The following BCAS3 variants were observed in gnomAD, a reference collection of about 807,000 sequenced individuals.
The protein encoded by BCAS3 is BCAS4/BCAS3 fusion.
A neutral mutation model predicts 116.1 loss-of-function variants in BCAS3; 53 were observed. That is an observed-to-expected ratio of 0.46 (90% CI 0.37 to 0.57). The LOEUF (loss-of-function observed/expected upper bound fraction) is 0.57. BCAS3 is among the 20% of genes least tolerant of loss of function. BCAS3 has a pLI of 0.00. For missense variants in BCAS3, 917 were observed against 1,165.4 expected, an observed-to-expected ratio of 0.79 and a Z score of 3.10; for synonymous variants, 391 against 408.2, an observed-to-expected ratio of 0.96 and a Z score of 0.51.
chr17:61,097,105 A>G lies in BCAS3; in HGVS notation c.2425+12541A>G, dbSNP rs1377268683. 1.3e-5 allele frequency among the ~76,000 whole-genome samples: 2 copies of G among 152,240 alleles called. No homozygotes were observed. Among genetic ancestry groups the G allele is most frequent in the Non-Finnish European group, 2.9e-5 (2 of 68,046 alleles). ...CACAAAGAAAACCATACGTAGACAT[A>G]TTATAATCAAACTGTTCAGATCTAA... is the stretch of plus-strand genomic sequence containing the variant. On this transcript the variant is annotated intron_variant, in intron 22 of 23. Coordinates refer to ENST00000407086, the MANE Select transcript of BCAS3 (RefSeq NM_017679.5). This position sits in a 1 kb window ranked among gnomAD's most constrained non-coding sequence, Gnocchi z 4.0.
chr17:60,734,775 G>A (rs2040805046), intron 5 of BCAS3, among the ~76,000 whole-genome samples: 1 of 152,180 alleles, frequency 6.6e-6, no homozygotes, highest in African/African-American at 2.4e-5. Context: ...TTCTGACTTT[G>A]CTTTCTCCTT....
chr17:60,699,034 A>C (rs1598131031), intron 4 of BCAS3, among the ~76,000 whole-genome samples: 1 of 152,292 alleles, frequency 6.6e-6, no homozygotes, highest in South Asian at 2.1e-4. Flanking sequence ...CTCTAACCTT[A>C]GTGACAGAGC....
intron 14 of BCAS3, among the ~76,000 whole-genome samples, chr17:60,959,417 C>T (rs571344221): frequency 6.6e-6 from 1 of 152,122 alleles, no homozygotes; most frequent in Non-Finnish European, 1.5e-5. Context: ...AACACATCTG[C>T]TTTTTGAACA....
intron 15 of BCAS3, among the ~76,000 whole-genome samples, chr17:60,997,347 C>G (rs1401693424): frequency 6.6e-6 from 1 of 152,088 alleles, no homozygotes; most frequent in African/African-American, 2.4e-5. Context: ...ATGGTAAGTT[C>G]CTGGTCCCAG....
Position 60,943,197 on chromosome 17 carries a change from A to G in BCAS3, c.1088-4022A>G, listed in dbSNP as rs565888890. Among the ~76,000 whole-genome samples, 32 of 152,144 alleles carry G rather than the reference A, an allele frequency of 2.1e-4. 1 individual carries two copies. The highest frequency in any genetic ancestry group is 2.6e-4 in the Non-Finnish European group (18 of 68,000). On this transcript the variant is annotated intron_variant, in intron 13 of 23. Transcript: ENST00000407086. ...AAACATGAAAAGAGAAATAAAAAAC[A>G]GAAACAAGACAAGCAAAAATAATAA...
At chr17:61,340,459 G>C (rs2057060963) in intron 22 of BCAS3, among the ~76,000 whole-genome samples, 1 of 152,076 alleles carries the variant, frequency 6.6e-6, no homozygotes, top group Admixed American at 6.6e-5. Context: ...ACAGTTTGAG[G>C]GTAGAGGAGA....
intron 22 of BCAS3, among the ~76,000 whole-genome samples, chr17:61,185,579 A>G (rs184838582): frequency 8.1e-4 from 123 of 152,280 alleles, no homozygotes; most frequent in African/African-American, 2.8e-3. Flanking sequence ...TGGTTAAAAT[A>G]TGGTTCATTC....
chr17:61,038,098 G>T, intron 18 of BCAS3, 44 bp downstream of exon 18: 2 of 1,543,304 alleles, frequency 1.3e-6, no homozygotes, highest in Non-Finnish European at 8.8e-7. Context: ...CTTCATTAAG[G>T]TATAGAAGAT....
rs748259853 is a variant in BCAS3, at chr17:60,910,687, C to G, written c.978C>G (p.Thr326=). The G allele has an allele frequency of 6.2e-7, 1 of 1,606,232 alleles. No individual in the cohort carries two copies. The highest frequency in any genetic ancestry group is 8.5e-7 in the Non-Finnish European group (1 of 1,176,450). Residue 326 remains threonine (T), a synonymous_variant, in exon 12 of 24, where the codon ACC becomes ACG. Coordinates refer to ENST00000407086, the MANE Select transcript of BCAS3 (RefSeq NM_017679.5). ...TCATCACAGTTATTGACACCGAAACCGTTGGAGAGGGCCAGGTAAGAAGAA... is the reference window on the plus strand; with the variant it reads ...TCATCACAGTTATTGACACCGAAACGGTTGGAGAGGGCCAGGTAAGAAGAA... The part of the protein sequence containing the change: ...PGIITVIDTE[T]VGEGQVLVSE...
chr17:61,353,206 G>T (rs760925107), intron 22 of BCAS3, among the ~76,000 whole-genome samples: 3 of 152,148 alleles, frequency 2.0e-5, no homozygotes, highest in Non-Finnish European at 2.9e-5. Context: ...CCATTTCCTT[G>T]TGTTTAAAAG....
intron 13 of BCAS3, among the ~76,000 whole-genome samples, chr17:60,932,908 C>T (rs2059733982): frequency 6.6e-6 from 1 of 151,876 alleles, no homozygotes; most frequent in South Asian, 2.1e-4. Flanking sequence ...GAAGCGGTGG[C>T]TCATCCCAGT....
chr17:60,696,329 T>A (rs2035585835), intron 4 of BCAS3: 1 of 152,288 alleles, frequency 6.6e-6, no homozygotes, highest in Non-Finnish European at 1.5e-5. Context: ...CACAGTTGCA[T>A]GCACCTGTAG....
At chr17:60,774,574 C>G (rs928909771) in intron 6 of BCAS3, among the ~76,000 whole-genome samples, 2 of 152,102 alleles carry the variant, frequency 1.3e-5, no homozygotes, top group Non-Finnish European at 2.9e-5. Flanking sequence ...TGGTTTTGTC[C>G]TGGGACACAG....
At position 61,347,456 on chromosome 17, in the gene BCAS3, T is replaced by A. The variant is rs2057569250; in HGVS notation, c.2426-20871T>A. Among the ~76,000 whole-genome samples the A allele has an allele frequency of 6.6e-6, 1 of 152,202 alleles. No individual in the cohort carries two copies. Among genetic ancestry groups the A allele is most frequent in the South Asian group, 2.1e-4 (1 of 4,834 alleles). ...TCTTCCCCAAGTTAAACAACCTTGA[T>A]TTCTTCCCTCCCTTCTTCCTGCTAG... On this transcript the variant is annotated intron_variant, in intron 22 of 23. Coordinates refer to ENST00000407086, the MANE Select transcript of BCAS3 (RefSeq NM_017679.5). The surrounding 1 kb of genome is among the most constrained non-coding windows in gnomAD (Gnocchi z 4.3).
At chr17:61,089,982 T>C (rs973177679) in intron 22 of BCAS3, among the ~76,000 whole-genome samples, 8 of 152,126 alleles carry the variant, frequency 5.3e-5, no homozygotes, top group African/African-American at 1.9e-4. Context: ...CATTGTTCAG[T>C]CTACAATGAT....
At chr17:61,242,276 CAAAA>C (rs372656421) in intron 22 of BCAS3, among the ~76,000 whole-genome samples, 1 of 130,990 alleles carries the variant, frequency 7.6e-6, no homozygotes. Flanking sequence ...AACTCTGTCT[CAAAA>C]AAAAAAAAAA....
intron 22 of BCAS3, among the ~76,000 whole-genome samples, chr17:61,238,365 G>A (rs1466340820): frequency 6.6e-6 from 1 of 152,094 alleles, no homozygotes; most frequent in African/African-American, 2.4e-5. Context: ...TGGGATTACA[G>A]GCGCCTGCCA....
At chr17:60,722,741 C>G (rs1235893363) in intron 5 of BCAS3, among the ~76,000 whole-genome samples, 2 of 140,578 alleles carry the variant, frequency 1.4e-5, no homozygotes, top group Non-Finnish European at 3.0e-5. Flanking sequence ...AGCCTGGTGA[C>G]AGAGCGAGAC....
At chr17:60,806,388 C>T (rs982540345) in intron 6 of BCAS3, among the ~76,000 whole-genome samples, 3 of 152,140 alleles carry the variant, frequency 2.0e-5, no homozygotes, top group African/African-American at 4.8e-5. Flanking sequence ...AGCCGGTCAG[C>T]GTGTCTTTCT....
Sources: allele counts gnomAD v4.1 joint callset (sites outside exome capture counted in the v4.1 genomes callset), GRCh38; gene constraint gnomAD v4.1.1; non-coding constraint Gnocchi (gnomAD v3.1); transcripts MANE v1.5; gene names NCBI Gene and HGNC (gene_info 2026-07-23, HGNC 2026-07-21).